JPH3: variants seen among roughly 807,000 people sequenced by gnomAD.
JPH3 encodes junctophilin-3.
JPH3 carries 11 observed loss-of-function variants against 59.6 expected under a neutral mutation model. The observed-to-expected ratio is 0.18, with a 90% CI of 0.12 to 0.31. JPH3 has a LOEUF of 0.31. Ranked by LOEUF, JPH3 falls within the 10% of genes least tolerant of loss-of-function variation. JPH3 has a pLI of 1.00. For missense variants in JPH3, 1,202 were observed against 1,105.7 expected (o/e 1.09, Z -1.24); for synonymous variants, 673 against 483.6 (o/e 1.39, Z -5.14).
At chr16:87,667,818 T>G (rs550228030) in intron 2 of JPH3, among the ~76,000 whole-genome samples, 55 of 152,246 alleles carry the variant, frequency 3.6e-4, no homozygotes, top group African/African-American at 1.3e-3. Context: ...GTTTGTTTTG[T>G]TTTGTTTTGT....
intron 1 of JPH3, among the ~76,000 whole-genome samples, chr16:87,638,431 G>C (rs1489054233): frequency 6.6e-6 from 1 of 152,188 alleles, no homozygotes; most frequent in Non-Finnish European, 1.5e-5. Flanking sequence ...AACGCCAGAG[G>C]CTACTGGGGA....
Position 87,644,473 on chromosome 16 carries a change from G to A in JPH3, c.598G>A (p.Ala200Thr). ...GTCCCGCGGGGGCTTCGTGCTCGTG[G>A]CCCACAGTGACTCCGAGATCCTCAA... ...AVSRGGFVLV[A>T]HSDSEILKSK... Residue 200 changes from alanine to threonine, a missense_variant, in exon 2 of 5, where the codon GCC (alanine) becomes ACC (threonine). Transcript: ENST00000284262. The A allele has an allele frequency of 6.2e-7, 1 of 1,612,798 alleles. No homozygotes were observed. Among genetic ancestry groups the A allele is most frequent in the South Asian group, 1.1e-5 (1 of 91,084 alleles).
At chr16:87,696,442 AGC>A (rs1222838483) in intron 4 of JPH3, 136 bp from the exon 5 acceptor site, 8 of 707,948 alleles carry the variant, frequency 1.1e-5, no homozygotes, top group Non-Finnish European at 1.7e-5. Context: ...TTGGTGTCCA[AGC>A]GTTTCTAACA....
intron 1 of JPH3, among the ~76,000 whole-genome samples, chr16:87,623,720 C>T (rs1417533406): frequency 6.6e-6 from 1 of 152,192 alleles, no homozygotes; most frequent in African/African-American, 2.4e-5. Flanking sequence ...CTGCACTGGT[C>T]CTGGCCCGAA....
In JPH3 at chr16:87,690,493, C is replaced by T. The variant is rs148634654; in HGVS notation, c.2133C>T (p.Asp711=). ...QKSLPVALES[D]EENGDELKSS... ...CCTTGCCTGTCGCTCTAGAGTCCGACGAGGAGAATGGGGATGAGCTCAAGT... is the reference window on the plus strand; with the variant it reads ...CCTTGCCTGTCGCTCTAGAGTCCGATGAGGAGAATGGGGATGAGCTCAAGT... Residue 711 remains aspartate (D), a synonymous_variant, in exon 4 of 5, where the codon GAC becomes GAT. Coordinates refer to ENST00000284262, the MANE Select transcript of JPH3 (RefSeq NM_020655.4). 7 of 1,485,806 alleles carry T rather than the reference C, an allele frequency of 4.7e-6. No homozygotes were observed. The highest frequency in any genetic ancestry group is 2.8e-5 in the African/African-American group (2 of 70,756). The allele number at this position is 1,485,806 out of a possible 1,614,324, so 92.0% of individuals were successfully genotyped here. A position where few individuals can be genotyped will look rare whatever the true frequency, so the allele number is the denominator to read the frequency against.
chr16:87,603,700 C>T (rs1408348594), intron 1 of JPH3, among the ~76,000 whole-genome samples, 172 bp downstream of exon 1: 4 of 152,228 alleles, frequency 2.6e-5, no homozygotes, highest in African/African-American at 9.6e-5. Context: ...CAGGTTGCCC[C>T]GCTGCCTGGT....
At chr16:87,629,732 TC>T (rs1207665092) in intron 1 of JPH3, among the ~76,000 whole-genome samples, 3 of 152,122 alleles carry the variant, frequency 2.0e-5, no homozygotes, top group African/African-American at 7.2e-5. Flanking sequence ...TGTAGGGCAG[TC>T]ATACTACTCT....
chr16:87,614,932 CGCGTCCCCTCCCGGG>C (rs2030896858), intron 1 of JPH3, among the ~76,000 whole-genome samples: 1 of 55,942 alleles, frequency 1.8e-5, no homozygotes, highest in African/African-American at 8.6e-5. Context: ...CGAGGAGCCG[CGCGTCCCCTCCCGGG>C]ATAAACGCTG....
At chr16:87,639,487 C>T (rs1021379911) in intron 1 of JPH3, among the ~76,000 whole-genome samples, 2 of 152,218 alleles carry the variant, frequency 1.3e-5, no homozygotes, top group Non-Finnish European at 2.9e-5. Context: ...GTGTGCCGTT[C>T]TGTGGCATTA....
At chr16:87,683,914 T>A in intron 2 of JPH3, 1 of 531,986 alleles carries the variant, frequency 1.9e-6, no homozygotes, top group Non-Finnish European at 3.4e-6. Flanking sequence ...CCCAGAGGTG[T>A]TTTCAAGCAT....
chr16:87,670,389 G>GC (rs1055936506), intron 2 of JPH3, among the ~76,000 whole-genome samples: 1 of 152,206 alleles, frequency 6.6e-6, no homozygotes, highest in African/African-American at 2.4e-5. Context: ...CCTGACTGAC[G>GC]CCCCTGCTGC....
intron 1 of JPH3, among the ~76,000 whole-genome samples, chr16:87,618,524 C>G (rs1027792775): frequency 1.3e-5 from 2 of 152,226 alleles, no homozygotes; most frequent in African/African-American, 4.8e-5. Flanking sequence ...GACGGTGGAG[C>G]TCAGGCCTGG....
In JPH3 at chr16:87,638,324, T is replaced by C. The variant is rs1049571587; in HGVS notation, c.383-5934T>C. Reference sequence around the variant, plus strand: ...ATTCTCCTGTCTCAGCTGTGTTTTGTGTTTGCTCCAGCCCTTTGCTGGTGA... The same window carrying C: ...ATTCTCCTGTCTCAGCTGTGTTTTGCGTTTGCTCCAGCCCTTTGCTGGTGA... On this transcript the variant is annotated intron_variant, in intron 1 of 4. Coordinates refer to ENST00000284262, the MANE Select transcript of JPH3 (RefSeq NM_020655.4). Among the ~76,000 whole-genome samples the C allele has an allele frequency of 7.2e-5, 11 of 152,270 alleles. No individual in the cohort carries two copies. In the South Asian group the frequency reaches 2.1e-3, roughly 29 times the overall value.
At chr16:87,680,898 G>A (rs1424574212) in intron 2 of JPH3, among the ~76,000 whole-genome samples, 4 of 152,174 alleles carry the variant, frequency 2.6e-5, no homozygotes, top group African/African-American at 9.7e-5. Context: ...CATGTTGGTG[G>A]TATTTTTACT....
chr16:87,636,092 G>T (rs981114421), intron 1 of JPH3, among the ~76,000 whole-genome samples: 1 of 152,050 alleles, frequency 6.6e-6, no homozygotes, highest in Non-Finnish European at 1.5e-5. Flanking sequence ...CCGACACTGG[G>T]TCCTGTCTTC....
intron 2 of JPH3, among the ~76,000 whole-genome samples, chr16:87,677,183 T>TACAC (rs1156601635): frequency 2.5e-4 from 19 of 75,924 alleles, no homozygotes; most frequent in South Asian, 8.4e-4. Context: ...ACTATATATA[T>TACAC]ATACACACAC....
intron 1 of JPH3, among the ~76,000 whole-genome samples, chr16:87,612,764 C>T (rs1387771745): frequency 6.6e-6 from 1 of 152,040 alleles, no homozygotes; most frequent in Admixed American, 6.5e-5. Context: ...GCCTGTAATC[C>T]CAGCACTTTG....
At chr16:87,643,147 C>T (rs1193299091) in intron 1 of JPH3, among the ~76,000 whole-genome samples, 2 of 152,186 alleles carry the variant, frequency 1.3e-5, no homozygotes, top group Non-Finnish European at 2.9e-5. Context: ...CGATATGTGG[C>T]CTTTTGTGCC....
At chr16:87,608,239 C>T (rs2030600018) in intron 1 of JPH3, among the ~76,000 whole-genome samples, 1 of 152,230 alleles carries the variant, frequency 6.6e-6, no homozygotes, top group African/African-American at 2.4e-5. Context: ...GGGGCAGGAG[C>T]CTCTGCTGTT....
Sources: gnomAD v4.1 joint callset for allele counts (sites outside exome capture counted in the v4.1 genomes callset) on GRCh38, gnomAD v4.1.1 for gene constraint, MANE v1.5 for transcripts, NCBI Gene and HGNC (gene_info 2026-07-23, HGNC 2026-07-21) for gene names.